The following ST6GALNAC3 variants were observed in gnomAD, a reference collection of about 807,000 sequenced individuals.
ST6GALNAC3 encodes alpha-N-acetylgalactosaminide alpha-2,6-sialyltransferase 3.
Under a neutral mutation model 32.7 loss-of-function variants are expected in ST6GALNAC3, and 25 were observed. The observed-to-expected ratio is 0.76, with a 90% CI of 0.56 to 1.07. ST6GALNAC3 has a LOEUF of 1.07. ST6GALNAC3 is among the 50% of genes least tolerant of loss of function. The pLI, the probability that ST6GALNAC3 is intolerant of heterozygous loss-of-function variation, is 0.00. For synonymous variants in ST6GALNAC3, 129 were observed against 133.1 expected (o/e 0.97, Z 0.21); for missense variants, 355 against 382.4 (o/e 0.93, Z 0.60).
At chr1:76,174,433 T>G (rs994452722) in intron 1 of ST6GALNAC3, among the ~76,000 whole-genome samples, 3 of 148,432 alleles carry the variant, frequency 2.0e-5, no homozygotes, top group Non-Finnish European at 3.0e-5. Flanking sequence ...ATCTCATTGT[T>G]TTTTTTTTTT....
chr1:76,585,599 C>A lies in ST6GALNAC3; in HGVS notation c.624-41853C>A, dbSNP rs1646951908. ...AGTAGATGCACAGTTCATGCTGGAACCAGATCCACAGTTGAGGGCCCAGGA... is the reference window on the plus strand; with the variant it reads ...AGTAGATGCACAGTTCATGCTGGAAACAGATCCACAGTTGAGGGCCCAGGA... On this transcript the variant is annotated intron_variant, in intron 3 of 4. Transcript: ENST00000328299. 2.0e-5 allele frequency among the ~76,000 whole-genome samples: 3 copies of A among 152,050 alleles called. No homozygotes were observed. In the South Asian group the frequency reaches 6.2e-4, roughly 32 times the overall value.
Position 76,412,073 on chromosome 1 carries a change from G to A in ST6GALNAC3, c.279G>A (p.Lys93=). The A allele has an allele frequency of 3.7e-6, 6 of 1,613,622 alleles. No individual in the cohort carries two copies. Among genetic ancestry groups the A allele is most frequent in the Non-Finnish European group, 5.1e-6 (6 of 1,179,740 alleles). ...ACTCAGGTCAGATGGTTGGCCAGAA[G>A]GTGGGAAATGAGATAGATCGATCCT... ...VSNSGQMVGQ[K]VGNEIDRSSC... The change falls in exon 3 of 5, where the codon AAG becomes AAA. Residue 93 remains lysine, a synonymous_variant. Transcript: ENST00000328299.
chr1:76,152,069 G>A (rs566236666), intron 1 of ST6GALNAC3, among the ~76,000 whole-genome samples: 1 of 152,162 alleles, frequency 6.6e-6, no homozygotes, highest in African/African-American at 2.4e-5. Flanking sequence ...GGGCTCTTTA[G>A]TCTTTCTTGG....
chr1:76,513,213 A>C (rs772311836), intron 3 of ST6GALNAC3, among the ~76,000 whole-genome samples: 3 of 152,114 alleles, frequency 2.0e-5, no homozygotes, highest in Non-Finnish European at 4.4e-5. Flanking sequence ...TGCCATGCCC[A>C]ATGTTGTAAA....
chr1:76,163,924 CCA>C (rs1465777946), intron 1 of ST6GALNAC3, among the ~76,000 whole-genome samples: 1 of 152,164 alleles, frequency 6.6e-6, no homozygotes, highest in Non-Finnish European at 1.5e-5. Context: ...AACTCAAAAG[CCA>C]CCTACCTTTA....
chr1:76,081,634 G>T (rs1400096428), intron 1 of ST6GALNAC3, among the ~76,000 whole-genome samples: 1 of 152,116 alleles, frequency 6.6e-6, no homozygotes, highest in Non-Finnish European at 1.5e-5. Flanking sequence ...AGATAAGAAG[G>T]CTTTAATTCT....
At chr1:76,397,097 G>C (rs989876252) in intron 2 of ST6GALNAC3, among the ~76,000 whole-genome samples, 1 of 151,990 alleles carries the variant, frequency 6.6e-6, no homozygotes, top group African/African-American at 2.4e-5. Flanking sequence ...TTATTCAAAC[G>C]AGAAAGGGAT....
At chr1:76,432,127 A>C (rs577935961) in intron 3 of ST6GALNAC3, among the ~76,000 whole-genome samples, 1 of 152,168 alleles carries the variant, frequency 6.6e-6, no homozygotes, top group Admixed American at 6.6e-5. Context: ...GTAATATTAC[A>C]CTCCTTTAAA....
intron 2 of ST6GALNAC3, among the ~76,000 whole-genome samples, chr1:76,372,414 C>G (rs1650901843): frequency 2.0e-5 from 3 of 151,974 alleles, no homozygotes; most frequent in Non-Finnish European, 4.4e-5. Flanking sequence ...TCACAATCGC[C>G]AAAACAGTTT....
At chr1:76,154,096 G>T (rs1236842716) in intron 1 of ST6GALNAC3, among the ~76,000 whole-genome samples, 1 of 152,102 alleles carries the variant, frequency 6.6e-6, no homozygotes, top group Non-Finnish European at 1.5e-5. Flanking sequence ...GGCCCAGTCG[G>T]CTTAAAAATA....
chr1:76,624,609 A>C (rs1246614874), intron 3 of ST6GALNAC3, among the ~76,000 whole-genome samples: 2 of 151,918 alleles, frequency 1.3e-5, no homozygotes, highest in East Asian at 3.9e-4. Context: ...TGAAGGGACC[A>C]CATCAAAGGG....
rs549105928 is a variant in ST6GALNAC3 at position 76,118,879 on chromosome 1, G to A, written c.18+43995G>A. Among the ~76,000 whole-genome samples, 6 of 152,304 alleles carry A rather than the reference G, an allele frequency of 3.9e-5. No individual in the cohort carries two copies. In the East Asian group the frequency reaches 1.2e-3, roughly 29 times the overall value. ...ACTCTGTCGCCCAGGCCGGAGTGCA[G>A]TGGTACGATCTTGGCTCACTGCAAC... On this transcript the variant is annotated intron_variant, in intron 1 of 4. Coordinates refer to ENST00000328299, the MANE Select transcript of ST6GALNAC3 (RefSeq NM_152996.4).
intron 1 of ST6GALNAC3, among the ~76,000 whole-genome samples, chr1:76,078,578 A>T (rs1418814376): frequency 6.6e-6 from 1 of 152,152 alleles, no homozygotes; most frequent in Non-Finnish European, 1.5e-5. Flanking sequence ...TCACTACCTC[A>T]GTTTCCAAAA....
chr1:76,589,272 C>A (rs1321350320), intron 3 of ST6GALNAC3, among the ~76,000 whole-genome samples: 3 of 152,154 alleles, frequency 2.0e-5, no homozygotes, highest in African/African-American at 7.2e-5. Context: ...AACTATTTCA[C>A]ATGACAAGTA....
chr1:76,260,943 A>C (rs771347876), intron 1 of ST6GALNAC3, among the ~76,000 whole-genome samples: 1 of 150,780 alleles, frequency 6.6e-6, no homozygotes, highest in East Asian at 2.0e-4. Flanking sequence ...AAAATTGTAT[A>C]TATTTATAGT....
At chr1:76,216,816 T>C (rs1282777017) in intron 1 of ST6GALNAC3, among the ~76,000 whole-genome samples, 3 of 152,222 alleles carry the variant, frequency 2.0e-5, no homozygotes, top group African/African-American at 7.2e-5. Context: ...TTTAATTTCT[T>C]TGATGTGTAA....
At position 76,495,164 on chromosome 1, in the gene ST6GALNAC3, CA is replaced by C. The variant is rs569212458; in HGVS notation, c.623+82750del. 3.5e-4 allele frequency among the ~76,000 whole-genome samples: 54 copies of C among 152,168 alleles called. 1 individual carries two copies. The highest frequency in any genetic ancestry group is 1.5e-3 in the Admixed American group (23 of 15,266). ...AGACATGCCCAGGATAATGTTTGAC[CA>C]AATACCTGGGTACTCCATGAGCCAG... On this transcript the variant is annotated intron_variant, in intron 3 of 4. Coordinates refer to ENST00000328299, the MANE Select transcript of ST6GALNAC3 (RefSeq NM_152996.4).
intron 3 of ST6GALNAC3, among the ~76,000 whole-genome samples, chr1:76,591,758 A>G (rs974845857): frequency 6.6e-6 from 1 of 152,152 alleles, no homozygotes; most frequent in Admixed American, 6.6e-5. Flanking sequence ...TGGGAGGGCC[A>G]TGAAGACTAC....
intron 2 of ST6GALNAC3, among the ~76,000 whole-genome samples, chr1:76,396,012 G>A (rs540290228): frequency 6.4e-4 from 97 of 152,186 alleles, no homozygotes; most frequent in Non-Finnish European, 1.3e-3. Flanking sequence ...TCAAGGTGAT[G>A]GATACCTTAA....
Sources: allele counts gnomAD v4.1 joint callset (sites outside exome capture counted in the v4.1 genomes callset), GRCh38; gene constraint gnomAD v4.1.1; transcripts MANE v1.5; gene names NCBI Gene and HGNC (gene_info 2026-07-23, HGNC 2026-07-21).